The following CHIC2 variants were observed in gnomAD, a reference collection of about 807,000 sequenced individuals.
The protein encoded by CHIC2 is cysteine-rich hydrophobic domain-containing protein 2.
CHIC2 carries 14 observed loss-of-function variants against 25.9 expected under a neutral mutation model. The ratio of observed to expected loss-of-function variants is 0.54; its 90% CI spans 0.36 to 0.85. The LOEUF (loss-of-function observed/expected upper bound fraction) is 0.85. Ranked by LOEUF, CHIC2 falls within the 40% of genes least tolerant of loss-of-function variation. CHIC2 has a pLI of 0.01. For synonymous variants in CHIC2, 70 were observed against 72.0 expected (o/e 0.97, Z 0.14); for missense variants, 146 against 202.0 (o/e 0.72, Z 1.68).
intron 3 of CHIC2, among the ~76,000 whole-genome samples, chr4:54,042,010 TA>T (rs769381790): frequency 3.3e-3 from 450 of 134,870 alleles, no homozygotes; most frequent in Middle Eastern, 3.7e-3. Context: ...AAGTATAATT[TA>T]AAAAAAAAAA....
At chr4:54,054,259 CCT>C (rs1717102502) in intron 1 of CHIC2, among the ~76,000 whole-genome samples, 1 of 152,170 alleles carries the variant, frequency 6.6e-6, no homozygotes, top group Admixed American at 6.5e-5. Context: ...TCCATCTAAT[CCT>C]CTGTCCTTCT....
upstream of CHIC2, among the ~76,000 whole-genome samples, chr4:54,067,524 T>C (rs1255980120): frequency 6.6e-6 from 1 of 152,150 alleles, no homozygotes; most frequent in Non-Finnish European, 1.5e-5. Context: ...AATTTCTTCC[T>C]GGAGATAAGC....
At chr4:54,032,754 G>A (rs79918458) in intron 3 of CHIC2, among the ~76,000 whole-genome samples, 1 of 152,196 alleles carries the variant, frequency 6.6e-6, no homozygotes, top group Non-Finnish European at 1.5e-5. Flanking sequence ...ACTGCCAAAA[G>A]TGGAAGTACT....
the CHIC2 span, among the ~76,000 whole-genome samples, chr4:54,077,340 T>C: frequency 9.8e-5 from 15 of 152,318 alleles, no homozygotes; most frequent in East Asian, 2.1e-3. Flanking sequence ...CGTCAAAGCC[T>C]TGTAGAAACA....
the CHIC2 span, among the ~76,000 whole-genome samples, chr4:54,071,977 CT>C: frequency 3.7e-3 from 558 of 151,798 alleles, 3 homozygotes; most frequent in Middle Eastern, 0.014. Flanking sequence ...ATATCTAAAT[CT>C]AAATAATAAT....
chr4:54,035,096 G>A (rs1301011334), intron 3 of CHIC2, among the ~76,000 whole-genome samples: 3 of 152,130 alleles, frequency 2.0e-5, no homozygotes, highest in African/African-American at 7.2e-5. Flanking sequence ...AATGTACTTG[G>A]CCATGTGTGT....
chr4:54,011,238 CTT>C (rs1026262432), intron 5 of CHIC2, among the ~76,000 whole-genome samples: 60 of 152,182 alleles, frequency 3.9e-4, no homozygotes, highest in African/African-American at 1.4e-3. Flanking sequence ...GTTCTCCTGG[CTT>C]TTGATCTGCC....
intron 1 of CHIC2, among the ~76,000 whole-genome samples, chr4:54,055,232 C>A: frequency 6.6e-6 from 1 of 151,976 alleles, no homozygotes; most frequent in Non-Finnish European, 1.5e-5. Flanking sequence ...CCTCAGCCTC[C>A]CGTGTAGCTG....
At chr4:54,053,009 A>C (rs1192632181) in intron 1 of CHIC2, among the ~76,000 whole-genome samples, 2 of 152,214 alleles carry the variant, frequency 1.3e-5, no homozygotes, top group Non-Finnish European at 2.9e-5. Context: ...AATATTAAAC[A>C]ACCATTAAAA....
intron 3 of CHIC2, among the ~76,000 whole-genome samples, chr4:54,023,822 C>A (rs1715977972): frequency 6.6e-6 from 1 of 152,156 alleles, no homozygotes; most frequent in African/African-American, 2.4e-5. Context: ...CGAAATATGC[C>A]TTCCATATCC....
the CHIC2 span, among the ~76,000 whole-genome samples, chr4:54,074,842 T>G: frequency 5.9e-5 from 9 of 152,214 alleles, no homozygotes; most frequent in African/African-American, 2.2e-4. Flanking sequence ...GCACAGTGAC[T>G]CATGCCTAAA....
intron 3 of CHIC2, among the ~76,000 whole-genome samples, chr4:54,028,027 C>T (rs1372454746): frequency 6.6e-6 from 1 of 152,114 alleles, no homozygotes; most frequent in Non-Finnish European, 1.5e-5. Context: ...ACTTTACCTG[C>T]TTTACAGTTT....
At chr4:54,053,044 A>G (rs6817541) in intron 1 of CHIC2, among the ~76,000 whole-genome samples, 51,894 of 151,934 alleles carry the variant, frequency 0.34, 9,155 homozygotes, top group Middle Eastern at 0.42. Context: ...CTAAAAACAC[A>G]GAAATACCAT....
chr4:54,051,962 T>G (rs946015148), intron 1 of CHIC2, among the ~76,000 whole-genome samples: 3 of 152,220 alleles, frequency 2.0e-5, no homozygotes, highest in Non-Finnish European at 4.4e-5. Context: ...TCTTTACTAA[T>G]AAGACTGTTC....
intron 5 of CHIC2, among the ~76,000 whole-genome samples, chr4:54,013,420 G>A (rs923120358): frequency 3.3e-5 from 5 of 151,984 alleles, no homozygotes; most frequent in Non-Finnish European, 7.4e-5. Flanking sequence ...ATCTATAAAG[G>A]GTAAAGGTTT....
chr4:54,080,037 T>A, the CHIC2 span, among the ~76,000 whole-genome samples: 7 of 151,710 alleles, frequency 4.6e-5, no homozygotes, highest in Non-Finnish European at 1.0e-4. Flanking sequence ...CAAAGAGATA[T>A]CTGCATTCTC....
chr4:54,009,884 T>A lies in CHIC2; in HGVS notation c.*211A>T. ...ACAGAAAAGAGCACAATAACTTAAG[T>A]ATTAAACATCTGTATGAAATAACTG... On this transcript the variant is annotated 3_prime_UTR_variant, in exon 6 of 6. Coordinates refer to ENST00000263921, the MANE Select transcript of CHIC2 (RefSeq NM_012110.4). The A allele has an allele frequency of 2.5e-6, 1 of 407,146 alleles. No homozygotes were observed. 25.2% of individuals were successfully genotyped at this position (407,146 alleles called of 1,614,324 possible).
chr4:54,048,236 C>T (rs1446742766), intron 3 of CHIC2, among the ~76,000 whole-genome samples: 2 of 152,148 alleles, frequency 1.3e-5, no homozygotes, highest in Non-Finnish European at 1.5e-5. Context: ...GTGATCCGCC[C>T]GCCTTGGCCT....
chr4:54,062,910 T>C (rs1306873240), intron 1 of CHIC2, among the ~76,000 whole-genome samples: 1 of 152,216 alleles, frequency 6.6e-6, no homozygotes, highest in Non-Finnish European at 1.5e-5. Flanking sequence ...ACTTAGAAAG[T>C]ATTATTGTGG....
Sources: allele counts gnomAD v4.1 joint callset (sites outside exome capture counted in the v4.1 genomes callset), GRCh38; gene constraint gnomAD v4.1.1; transcripts MANE v1.5; gene names NCBI Gene and HGNC (gene_info 2026-07-23, HGNC 2026-07-21).